The following PRKN variants were observed in gnomAD, a reference collection of about 807,000 sequenced individuals.
The protein encoded by PRKN is parkin RBR E3 ubiquitin protein ligase.
A neutral mutation model predicts 59.5 loss-of-function variants in PRKN; 56 were observed. The ratio of observed to expected loss-of-function variants is 0.94; its 90% CI spans 0.76 to 1.18. The LOEUF is 1.18. Ranked by LOEUF, PRKN falls within the 50% of genes most tolerant of loss-of-function variation. The probability of loss-of-function intolerance (pLI) is 0.00; values close to 1 mark genes in which losing one functional copy is unlikely to be tolerated. For missense variants in PRKN, 657 were observed against 596.4 expected, an observed-to-expected ratio of 1.10 and a Z score of -1.06; for synonymous variants, 250 against 222.1, an observed-to-expected ratio of 1.13 and a Z score of -1.12.
At chr6:162,463,060 C>T (rs2128174975) in intron 1 of PRKN, among the ~76,000 whole-genome samples, 1 of 151,418 alleles carries the variant, frequency 6.6e-6, no homozygotes, top group Admixed American at 6.6e-5. Flanking sequence ...CGGAGTGAGA[C>T]TCCGTCTCAA....
In PRKN at chr6:162,034,219, AGT is replaced by A. The variant is rs1424791270; in HGVS notation, c.618+19870_618+19871del. Among the ~76,000 whole-genome samples the A allele has an allele frequency of 7.6e-5, 11 of 144,600 alleles. 1 individual carries two copies. In the East Asian group the frequency reaches 1.7e-3, roughly 23 times the overall value. 94.9% of individuals were successfully genotyped at this position (144,600 alleles called of 152,430 possible). ...GAGAGAGAGAGAGAGAGAGAGAGAG[AGT>A]GTCTACTACATGTCAGGTACTATAT... On this transcript the variant is annotated intron_variant, in intron 5 of 11. Transcript: ENST00000366898.
intron 2 of PRKN, among the ~76,000 whole-genome samples, chr6:162,384,655 AAAAAAAAC>A (rs1786693587): frequency 7.1e-6 from 1 of 141,582 alleles, no homozygotes; most frequent in African/African-American, 2.6e-5. Context: ...TGTAAAAAAA[AAAAAAAAC>A]AAAAAAAAAA....
At chr6:161,680,230 T>G (rs977516888) in intron 7 of PRKN, among the ~76,000 whole-genome samples, 1 of 152,202 alleles carries the variant, frequency 6.6e-6, no homozygotes, top group African/African-American at 2.4e-5. Flanking sequence ...ATTAGAGCAC[T>G]TGGTATTTGT....
intron 9 of PRKN, among the ~76,000 whole-genome samples, chr6:161,516,919 T>C (rs534109583): frequency 6.2e-4 from 95 of 152,186 alleles, no homozygotes; most frequent in Non-Finnish European, 1.2e-3. Flanking sequence ...ATTTATTGAA[T>C]TGATGCTTTC....
chr6:162,264,990 A>G (rs1297286165), intron 2 of PRKN, among the ~76,000 whole-genome samples: 1 of 152,054 alleles, frequency 6.6e-6, no homozygotes, highest in Non-Finnish European at 1.5e-5. Context: ...CTTCCTCATG[A>G]TAATAGCTTT....
chr6:162,156,964 G>A (rs1324593048), intron 4 of PRKN, among the ~76,000 whole-genome samples: 1 of 149,736 alleles, frequency 6.7e-6, no homozygotes, highest in East Asian at 2.0e-4. Flanking sequence ...TTTCCCCATT[G>A]CAAATCACAT....
At chr6:161,573,448 C>T (rs188422530) in intron 7 of PRKN, among the ~76,000 whole-genome samples, 4 of 151,670 alleles carry the variant, frequency 2.6e-5, no homozygotes, top group African/African-American at 9.7e-5. Flanking sequence ...CGGCCAGGTG[C>T]GGTGGTTCAC....
At chr6:162,292,325 C>T (rs942151929) in intron 2 of PRKN, among the ~76,000 whole-genome samples, 1 of 152,120 alleles carries the variant, frequency 6.6e-6, no homozygotes, top group Non-Finnish European at 1.5e-5. Context: ...AATTAATCAC[C>T]AGAGATGCAA....
At position 162,201,246 on chromosome 6, in the gene PRKN, C is replaced by A; in HGVS notation, c.419G>T (p.Arg140Ile). ...DSPPAGSPAG[R>I]SIYNSFYVYC... ...CACATAAAAGCTGTTGTAGATTGAT[C>A]TACCTGCTGGAGAAGAAAAAGCAGA... The change falls in exon 4 of 12, where the codon AGA becomes ATA. Residue 140 changes from arginine to isoleucine, a missense_variant. Coordinates refer to ENST00000366898, the MANE Select transcript of PRKN (RefSeq NM_004562.3). The A allele has an allele frequency of 6.2e-7, 1 of 1,613,908 alleles. No individual in the cohort carries two copies. Among genetic ancestry groups the A allele is most frequent in the South Asian group, 1.1e-5 (1 of 91,082 alleles).
At chr6:162,636,338 C>G (rs756117887) in intron 1 of PRKN, among the ~76,000 whole-genome samples, 3 of 151,998 alleles carry the variant, frequency 2.0e-5, no homozygotes, top group Non-Finnish European at 4.4e-5. Context: ...CTAAAAATAG[C>G]TTTGAAATTT....
chr6:161,756,390 T>C (rs1353620883), intron 7 of PRKN, among the ~76,000 whole-genome samples: 1 of 125,090 alleles, frequency 8.0e-6, no homozygotes, highest in African/African-American at 3.1e-5. Flanking sequence ...TGCAGTGAGC[T>C]GAGATCACAC....
rs577769058 is a variant in PRKN at position 161,453,188 on chromosome 6, G to C, written c.1084-66311C>G. ...TATAGCCAATGAGGGCCTGAGCCTT[G>C]AACCAGTGAACAGTACTGAGTAGCA... is the stretch of plus-strand genomic sequence containing the variant. On this transcript the variant is annotated intron_variant, in intron 9 of 11. Transcript: ENST00000366898. Among the ~76,000 whole-genome samples, 94 of 152,252 alleles carry C rather than the reference G, an allele frequency of 6.2e-4. 1 individual carries two copies. Among genetic ancestry groups the C allele is most frequent in the Non-Finnish European group, 1.1e-3 (74 of 68,028 alleles).
In PRKN at chr6:161,466,322, T is replaced by C. The variant is rs890364014; in HGVS notation, c.1084-79445A>G. On this transcript the variant is annotated intron_variant, in intron 9 of 11. Transcript: ENST00000366898. The surrounding 1 kb of genome is among the most constrained non-coding windows in gnomAD (Gnocchi z 5.0). ...TCTTCCAGGAAAGTCTTATTACTTT[T>C]AGTAATTTTCTTCACTTAGGTTTTT... Among the ~76,000 whole-genome samples, 1 of 152,370 alleles carries C rather than the reference T, an allele frequency of 6.6e-6. No individual in the cohort carries two copies. Among genetic ancestry groups the C allele is most frequent in the South Asian group, 2.1e-4 (1 of 4,824 alleles).
At chr6:162,507,007 A>G (rs1294468061) in intron 1 of PRKN, among the ~76,000 whole-genome samples, 1 of 152,222 alleles carries the variant, frequency 6.6e-6, no homozygotes, top group Non-Finnish European at 1.5e-5. Context: ...CTGATGGCAG[A>G]ACAGGAGAGG....
chr6:162,008,827 G>A (rs1782364590), intron 5 of PRKN, among the ~76,000 whole-genome samples: 2 of 152,056 alleles, frequency 1.3e-5, no homozygotes, highest in African/African-American at 4.8e-5. Context: ...GATTTTAACA[G>A]GAAAGATAAA....
At chr6:162,134,849 A>T (rs1781505604) in intron 4 of PRKN, among the ~76,000 whole-genome samples, 1 of 152,170 alleles carries the variant, frequency 6.6e-6, no homozygotes, top group South Asian at 2.1e-4. Flanking sequence ...GCACTGTTGA[A>T]AACTAAAGAT....
intron 6 of PRKN, among the ~76,000 whole-genome samples, chr6:161,805,091 A>G (rs1791249869): frequency 6.6e-6 from 1 of 152,158 alleles, no homozygotes; most frequent in African/African-American, 2.4e-5. Flanking sequence ...CCACTACAAA[A>G]GAATGCAAAT....
chr6:161,573,861 C>T (rs1276202847), intron 7 of PRKN, among the ~76,000 whole-genome samples: 1 of 136,300 alleles, frequency 7.3e-6, no homozygotes, highest in African/African-American at 2.6e-5. Flanking sequence ...TCTTTTATGT[C>T]ACTCAAACTT....
intron 4 of PRKN, among the ~76,000 whole-genome samples, chr6:162,169,699 A>AT (rs1487018183): frequency 6.6e-6 from 1 of 152,222 alleles, no homozygotes; most frequent in African/African-American, 2.4e-5. Flanking sequence ...GCCTTAAGGC[A>AT]TGTGCCACTT....
Sources: allele counts gnomAD v4.1 joint callset (sites outside exome capture counted in the v4.1 genomes callset), GRCh38; gene constraint gnomAD v4.1.1; non-coding constraint Gnocchi (gnomAD v3.1); transcripts MANE v1.5; gene names NCBI Gene and HGNC (gene_info 2026-07-23, HGNC 2026-07-21).